AVEN: variants seen among roughly 807,000 people sequenced by gnomAD.
The protein encoded by AVEN is cell death regulator Aven.
AVEN carries 41 observed loss-of-function variants against 38.1 expected under a neutral mutation model. That is an observed-to-expected ratio of 1.08 (90% CI 0.84 to 1.40). AVEN has a LOEUF of 1.40. Ranked by LOEUF, AVEN falls within the 40% of genes most tolerant of loss-of-function variation. The pLI, the probability that AVEN is intolerant of heterozygous loss-of-function variation, is 0.00. For synonymous variants in AVEN, 206 were observed against 171.8 expected (o/e 1.20, Z -1.56); for missense variants, 605 against 438.8 (o/e 1.38, Z -3.38).
chr15:34,063,482 C>T lies in AVEN; in HGVS notation n.1127-50G>A. On this transcript the variant is annotated intron_variant and non_coding_transcript_variant, in intron 4 of 11. Coordinates refer to the AVEN transcript ENST00000675287. This position sits in a 1 kb window ranked among gnomAD's most constrained non-coding sequence, Gnocchi z 4.1. ...GGGCTCTGTTCAGATCCTGCTTGCG[C>T]TGTCCTCGACCCACCCTGGCCCAGC... 2 of 1,613,868 alleles carry T rather than the reference C, an allele frequency of 1.2e-6. No individual in the cohort carries two copies. Among genetic ancestry groups the T allele is most frequent in the Non-Finnish European group, 1.7e-6 (2 of 1,180,028 alleles).
chr15:33,893,116 T>C (rs960758378), intron 2 of AVEN, among the ~76,000 whole-genome samples: 1 of 152,232 alleles, frequency 6.6e-6, no homozygotes, highest in Non-Finnish European at 1.5e-5. Context: ...AAGGAGATTT[T>C]GGGCTGAGAC....
chr15:34,072,395 G>T (rs562660773), intron 1 of AVEN, among the ~76,000 whole-genome samples: 3 of 151,978 alleles, frequency 2.0e-5, no homozygotes, highest in South Asian at 4.2e-4. Flanking sequence ...GGCAGATCAC[G>T]AGGTCAGGAG....
In AVEN at chr15:33,925,625, G is replaced by A. The variant is rs551117072; in HGVS notation, c.446-49630C>T. On this transcript the variant is annotated intron_variant, in intron 2 of 5. Coordinates refer to ENST00000306730, the MANE Select transcript of AVEN (RefSeq NM_020371.3). The stretch of plus-strand genomic sequence containing the variant: ...AAAAGTAATTCCTGCCCATCAGCAC[G>A]GGTGAGAGCTGATACTACTAACTAG... 2.0e-5 allele frequency among the ~76,000 whole-genome samples: 3 copies of A among 152,230 alleles called. No homozygotes were observed. In the South Asian group the frequency reaches 6.2e-4, roughly 32 times the overall value.
At chr15:34,011,956 T>G (rs1240192599) in intron 1 of AVEN, among the ~76,000 whole-genome samples, 1 of 152,236 alleles carries the variant, frequency 6.6e-6, no homozygotes, top group Non-Finnish European at 1.5e-5. Flanking sequence ...AACTACAGTT[T>G]GTGGAGGTCC....
intron 2 of AVEN, among the ~76,000 whole-genome samples, chr15:33,990,524 C>T (rs567955297): frequency 2.7e-4 from 41 of 152,322 alleles, no homozygotes; most frequent in Non-Finnish European, 5.0e-4. Flanking sequence ...AAAAGATTCA[C>T]TAACGTTCTC....
At chr15:34,008,421 TAAAA>T (rs747960979) in intron 1 of AVEN, among the ~76,000 whole-genome samples, 2 of 141,648 alleles carry the variant, frequency 1.4e-5, no homozygotes, top group Non-Finnish European at 3.0e-5. Context: ...CCGTGTCTCT[TAAAA>T]AGAAAAAAAA....
chr15:33,931,963 G>C (rs1348976822), intron 2 of AVEN, among the ~76,000 whole-genome samples: 1 of 152,182 alleles, frequency 6.6e-6, no homozygotes, highest in Non-Finnish European at 1.5e-5. Context: ...GGAAAGGCTT[G>C]ATTCTAAGAT....
At chr15:33,854,518 T>A (rs534077634), downstream of AVEN, 1 of 1,319,780 alleles carries the variant, frequency 7.6e-7, no homozygotes, top group African/African-American at 1.5e-5. Flanking sequence ...AAGCAAGCTA[T>A]GCAGGATGCT....
intron 1 of AVEN, among the ~76,000 whole-genome samples, chr15:34,004,648 G>A (rs1897265656): frequency 6.6e-6 from 1 of 152,096 alleles, no homozygotes; most frequent in Non-Finnish European, 1.5e-5. Flanking sequence ...CTTTATGGAT[G>A]AAAAGATAGG....
intron 1 of AVEN, chr15:34,006,917 G>A (rs1413952743): frequency 3.4e-6 from 1 of 296,022 alleles, no homozygotes; most frequent in African/African-American, 2.3e-5. Context: ...GCCTCAATAT[G>A]GAGAAAAAGA....
chr15:33,939,254 A>G (rs1262062219), intron 2 of AVEN, among the ~76,000 whole-genome samples: 1 of 152,216 alleles, frequency 6.6e-6, no homozygotes, highest in Non-Finnish European at 1.5e-5. Context: ...ACAAATTGTC[A>G]CTGAATTTAC....
At chr15:33,879,236 G>C (rs1256991332) in intron 2 of AVEN, among the ~76,000 whole-genome samples, 2 of 151,630 alleles carry the variant, frequency 1.3e-5, no homozygotes, top group Non-Finnish European at 2.9e-5. Context: ...AAAATGATGA[G>C]TTCATGTCCT....
chr15:33,961,401 G>A (rs1895154942), intron 2 of AVEN, among the ~76,000 whole-genome samples: 2 of 152,142 alleles, frequency 1.3e-5, no homozygotes, highest in African/African-American at 4.8e-5. Flanking sequence ...GGAATTATTG[G>A]CTAGAATTTT....
At position 34,063,633 on chromosome 15, in the gene AVEN, T is replaced by A; in HGVS notation, n.1127-201A>T. 1 of 1,614,100 alleles carries A rather than the reference T, an allele frequency of 6.2e-7. No homozygotes were observed. Among genetic ancestry groups the A allele is most frequent in the Non-Finnish European group, 8.5e-7 (1 of 1,180,012 alleles). On this transcript the variant is annotated intron_variant and non_coding_transcript_variant, in intron 4 of 11. Coordinates refer to the AVEN transcript ENST00000675287. This position sits in a 1 kb window ranked among gnomAD's most constrained non-coding sequence, Gnocchi z 4.1. ...TGAGCAGCTCACCACCTGTAGCAGC[T>A]ACCCTTCCTCAGAGGATGAGGACAA...
intron 1 of AVEN, among the ~76,000 whole-genome samples, chr15:34,036,044 C>T (rs543712443): frequency 1.3e-5 from 2 of 152,104 alleles, no homozygotes; most frequent in Non-Finnish European, 2.9e-5. Context: ...GACCCACCCA[C>T]CTCAGCCTCC....
intron 1 of AVEN, among the ~76,000 whole-genome samples, chr15:34,031,180 T>TTTTC (rs1898785814): frequency 7.1e-6 from 1 of 140,138 alleles, no homozygotes; most frequent in Non-Finnish European, 1.5e-5. Context: ...TTTTTTTTTT[T>TTTTC]TTTTTTTTTT....
intron 2 of AVEN, among the ~76,000 whole-genome samples, chr15:33,918,012 T>G (rs1306885934): frequency 6.6e-6 from 1 of 152,182 alleles, no homozygotes; most frequent in African/African-American, 2.4e-5. Flanking sequence ...ATAAAAGTAA[T>G]TTTTCTATTA....
chr15:33,880,880 A>G (rs1891458999), intron 2 of AVEN, among the ~76,000 whole-genome samples: 1 of 152,188 alleles, frequency 6.6e-6, no homozygotes, highest in African/African-American at 2.4e-5. Context: ...ATCATAAACA[A>G]TGACATCCAT....
At chr15:34,033,028 C>A (rs760033976) in intron 1 of AVEN, among the ~76,000 whole-genome samples, 1 of 152,170 alleles carries the variant, frequency 6.6e-6, no homozygotes, top group Non-Finnish European at 1.5e-5. Flanking sequence ...AAAACTCCAA[C>A]ATTCCCATCT....
Sources: gnomAD v4.1 joint callset for allele counts (sites outside exome capture counted in the v4.1 genomes callset) on GRCh38, gnomAD v4.1.1 for gene constraint, Gnocchi (gnomAD v3.1) non-coding constraint, MANE v1.5 for transcripts, NCBI Gene and HGNC (gene_info 2026-07-23, HGNC 2026-07-21) for gene names.